Variants in SCAMP1 observed in about 807,000 individuals in gnomAD.
The protein encoded by SCAMP1 is secretory carrier-associated membrane protein 1.
In SCAMP1, 15 loss-of-function variants were observed where a neutral mutation model predicts 41.8. That is an observed-to-expected ratio of 0.36 (90% confidence interval 0.24 to 0.55). The LOEUF (loss-of-function observed/expected upper bound fraction) is 0.55, where lower values mean the gene tolerates loss of function less well. SCAMP1 is among the 20% of genes least tolerant of loss of function. SCAMP1 has a pLI of 0.86. For missense variants in SCAMP1, 341 were observed against 412.6 expected (o/e 0.83, Z 1.50); for synonymous variants, 135 against 136.8 (o/e 0.99, Z 0.09).
At chr5:78,399,109 T>C (rs867376057) in intron 2 of SCAMP1, among the ~76,000 whole-genome samples, 1 of 152,214 alleles carries the variant, frequency 6.6e-6, no homozygotes, top group African/African-American at 2.4e-5. Flanking sequence ...CTTAGTAGTA[T>C]GCATAATAAG....
rs6868976 is a variant in SCAMP1, at chr5:78,457,459, G to A, written c.735-1786G>A. ...ATACCCTGTCGTGTAAGGTGTCAGT[G>A]TGCCCCTGCTGGGGGGTGCCTCCCA... On this transcript the variant is annotated intron_variant, in intron 7 of 8. Coordinates refer to ENST00000621999, the MANE Select transcript of SCAMP1 (RefSeq NM_004866.6). 4.3e-4 allele frequency among the ~76,000 whole-genome samples: 66 copies of A among 151,762 alleles called. 1 individual carries two copies. The highest frequency in any genetic ancestry group is 1.6e-3 in the Admixed American group (24 of 15,282).
At chr5:78,373,441 A>G (rs1750992737) in intron 1 of SCAMP1, among the ~76,000 whole-genome samples, 2 of 152,128 alleles carry the variant, frequency 1.3e-5, no homozygotes, top group Admixed American at 1.3e-4. Context: ...TAAAACAAGC[A>G]TCCCTAGCTG....
At chr5:78,392,028 GGAGAGGGAGACCGTGGAAA>G (rs1378298981) in intron 2 of SCAMP1, among the ~76,000 whole-genome samples, 1 of 1,292 alleles carries the variant, frequency 7.7e-4, no homozygotes, top group African/African-American at 3.9e-3. Flanking sequence ...GGAGAGAGAG[GGAGAGGGAGACCGTGGAAA>G]GAGAGGGAGA....
chr5:78,398,352 CCT>C (rs1239666749), intron 2 of SCAMP1, among the ~76,000 whole-genome samples: 7 of 115,076 alleles, frequency 6.1e-5, no homozygotes, highest in Non-Finnish European at 1.2e-4. Context: ...CTAGGGTTCA[CCT>C]CTTTTTTTTT....
chr5:78,378,803 C>T (rs984959174), intron 1 of SCAMP1, among the ~76,000 whole-genome samples: 1 of 152,128 alleles, frequency 6.6e-6, no homozygotes, highest in Non-Finnish European at 1.5e-5. Flanking sequence ...TAATAAAATA[C>T]AGAAGCCAAG....
At chr5:78,470,475 G>A (rs552175046) in intron 8 of SCAMP1, among the ~76,000 whole-genome samples, 21 of 152,088 alleles carry the variant, frequency 1.4e-4, no homozygotes, top group Non-Finnish European at 1.3e-4. Flanking sequence ...AGGTTCATCC[G>A]TGTTGCAGCA....
chr5:78,429,763 T>G (rs994093500), intron 6 of SCAMP1, among the ~76,000 whole-genome samples: 1 of 152,056 alleles, frequency 6.6e-6, no homozygotes, highest in Non-Finnish European at 1.5e-5. Context: ...TATTTTTGAG[T>G]TTGATCCATA....
intron 1 of SCAMP1, among the ~76,000 whole-genome samples, chr5:78,365,551 T>C (rs1750774865): frequency 6.6e-6 from 1 of 151,884 alleles, no homozygotes. Context: ...GAAATTTATG[T>C]TACTTTTGGA....
At chr5:78,468,711 T>G (rs1020536255) in intron 8 of SCAMP1, among the ~76,000 whole-genome samples, 2 of 152,208 alleles carry the variant, frequency 1.3e-5, no homozygotes, top group Admixed American at 1.3e-4. Context: ...TCTGAAGTGT[T>G]TCAAATCTTG....
At chr5:78,371,817 C>A (rs1281401354) in intron 1 of SCAMP1, among the ~76,000 whole-genome samples, 5 of 152,132 alleles carry the variant, frequency 3.3e-5, no homozygotes, top group African/African-American at 1.2e-4. Context: ...TTAAATAATA[C>A]ATTTTTGCAT....
At chr5:78,452,892 AGAT>A (rs1009377446) in intron 7 of SCAMP1, among the ~76,000 whole-genome samples, 4 of 150,184 alleles carry the variant, frequency 2.7e-5, no homozygotes, top group African/African-American at 7.4e-5. Context: ...AACTGGTGTG[AGAT>A]GATATCTCAT....
intron 2 of SCAMP1, among the ~76,000 whole-genome samples, chr5:78,414,532 C>T (rs752205591): frequency 1.5e-4 from 23 of 152,178 alleles, no homozygotes; most frequent in Admixed American, 3.9e-4. Context: ...CCACTTGCCT[C>T]GGCCTCCCAA....
chr5:78,468,611 G>A (rs1753799834), intron 8 of SCAMP1, among the ~76,000 whole-genome samples: 1 of 152,144 alleles, frequency 6.6e-6, no homozygotes, highest in Non-Finnish European at 1.5e-5. Context: ...AGACTGTCAT[G>A]TTCACATTAA....
chr5:78,462,824 A>G (rs991783732), intron 8 of SCAMP1, among the ~76,000 whole-genome samples: 2 of 152,172 alleles, frequency 1.3e-5, no homozygotes, highest in African/African-American at 2.4e-5. Context: ...TCTTGGATAT[A>G]TGTAATTTTG....
intron 1 of SCAMP1, among the ~76,000 whole-genome samples, chr5:78,384,812 TG>T (rs1165755923): frequency 2.6e-5 from 4 of 152,320 alleles, no homozygotes; most frequent in African/African-American, 9.6e-5. Flanking sequence ...CACTTGATTA[TG>T]GTGGATTATC....
intron 6 of SCAMP1, among the ~76,000 whole-genome samples, chr5:78,422,969 A>G (rs901725909): frequency 5.3e-5 from 8 of 152,004 alleles, no homozygotes; most frequent in African/African-American, 1.7e-4. Flanking sequence ...TGCCATTGCA[A>G]CCTAAAATCT....
chr5:78,390,242 A>G (rs1751452462), intron 2 of SCAMP1, among the ~76,000 whole-genome samples: 1 of 152,242 alleles, frequency 6.6e-6, no homozygotes, highest in Non-Finnish European at 1.5e-5. Context: ...TATTGTTGGT[A>G]AAAACAGTCC....
intron 8 of SCAMP1, among the ~76,000 whole-genome samples, chr5:78,465,933 T>A (rs574515532): frequency 1.4e-4 from 21 of 152,328 alleles, no homozygotes; most frequent in African/African-American, 5.1e-4. Flanking sequence ...ACACTCTTCT[T>A]AAAGTCAACT....
intron 5 of SCAMP1, 109 bp from the exon 6 acceptor site, chr5:78,421,692 G>A: frequency 1.1e-6 from 1 of 878,920 alleles, no homozygotes; most frequent in Non-Finnish European, 1.8e-6. Flanking sequence ...ACATGGAGTA[G>A]AATACATTTG....
Sources: gnomAD v4.1 joint callset for allele counts (sites outside exome capture counted in the v4.1 genomes callset) on GRCh38, gnomAD v4.1.1 for gene constraint, MANE v1.5 for transcripts, NCBI Gene and HGNC (gene_info 2026-07-23, HGNC 2026-07-21) for gene names.